Variants in LCORL observed in about 807,000 individuals in gnomAD.
The protein encoded by LCORL is ligand dependent nuclear receptor corepressor like.
In LCORL, 41 loss-of-function variants were observed where a neutral mutation model predicts 141.8. That is an observed-to-expected ratio of 0.29 (90% CI 0.23 to 0.38). The LOEUF is 0.38. LCORL is among the 10% of genes least tolerant of loss of function. The probability of loss-of-function intolerance (pLI) is 1.00; values close to 1 mark genes in which losing one functional copy is unlikely to be tolerated. For missense variants in LCORL, 1,759 were observed against 2,035.0 expected (o/e 0.86, Z 2.61); for synonymous variants, 618 against 694.1 (o/e 0.89, Z 1.72).
chr4:18,010,412 G>GTA (rs1180510783), intron 1 of LCORL, among the ~76,000 whole-genome samples: 56 of 151,596 alleles, frequency 3.7e-4, no homozygotes, highest in African/African-American at 9.0e-4. Context: ...GTGTGTGTGT[G>GTA]TATATATATA....
chr4:17,867,520 A>C (rs1475053140), intron 7 of LCORL, among the ~76,000 whole-genome samples: 1 of 152,220 alleles, frequency 6.6e-6, no homozygotes, highest in East Asian at 1.9e-4. Flanking sequence ...TAGAGAATTA[A>C]ATCTATGTCT....
At chr4:17,883,734 T>C (rs1468225919) in intron 6 of LCORL, 14 of 1,539,556 alleles carry the variant, frequency 9.1e-6, no homozygotes, top group Non-Finnish European at 9.6e-6. Context: ...ACAGGCTTGC[T>C]GCTGTTTTTG....
chr4:18,002,662 T>C (rs557077976), intron 1 of LCORL, among the ~76,000 whole-genome samples: 2 of 152,318 alleles, frequency 1.3e-5, no homozygotes, highest in South Asian at 4.1e-4. Flanking sequence ...ATTTTTATAT[T>C]AAAAATTAAG....
At chr4:17,957,397 G>A (rs1401244957) in intron 4 of LCORL, among the ~76,000 whole-genome samples, 1 of 151,928 alleles carries the variant, frequency 6.6e-6, no homozygotes, top group African/African-American at 2.4e-5. Flanking sequence ...TTCAATTAGA[G>A]CAATAAAGAA....
At position 17,880,869 on chromosome 4, in the gene LCORL, CAATT is replaced by C. The variant is rs1435365114; in HGVS notation, c.777-2660_777-2657del. ...AATAAATAATTCATGAATTATAGTG[CAATT>C]GATTTATGCATAAATATAACTAATT... On this transcript the variant is annotated intron_variant, in intron 6 of 7. Coordinates refer to ENST00000635767, the Ensembl canonical transcript of LCORL. The C allele has an allele frequency of 3.5e-6, 3 of 860,782 alleles. No homozygotes were observed. In the African/African-American group the frequency reaches 5.5e-5, roughly 16 times the overall value. 53.3% of individuals were successfully genotyped at this position (860,782 alleles called of 1,614,324 possible). A position where few individuals can be genotyped will look rare whatever the true frequency, so the allele number is the denominator to read the frequency against.
exon 7 of LCORL, chr4:17,874,843 C>A: frequency 8.1e-7 from 1 of 1,233,700 alleles, no homozygotes; most frequent in Non-Finnish European, 1.0e-6. Flanking sequence ...TCTTTGTAAG[C>A]TATTTTCATC....
chr4:18,000,126 C>CTTTT (rs11407271), intron 1 of LCORL, among the ~76,000 whole-genome samples: 20 of 130,712 alleles, frequency 1.5e-4, no homozygotes, highest in African/African-American at 5.3e-4. Flanking sequence ...ATTTGTGGTT[C>CTTTT]TTTTTTTTTT....
At chr4:17,974,017 T>A (rs1716471178) in intron 1 of LCORL, among the ~76,000 whole-genome samples, 1 of 152,012 alleles carries the variant, frequency 6.6e-6, no homozygotes, top group South Asian at 2.1e-4. Flanking sequence ...GAGTAGAAAT[T>A]TCCTGGTAAA....
intron 7 of LCORL, among the ~76,000 whole-genome samples, chr4:17,852,333 T>C (rs2109104612): frequency 6.6e-6 from 1 of 152,052 alleles, no homozygotes; most frequent in East Asian, 1.9e-4. Context: ...TTTCTGACAA[T>C]AATCACAATA....
At chr4:17,989,142 G>A (rs1210023764) in intron 1 of LCORL, among the ~76,000 whole-genome samples, 4 of 152,034 alleles carry the variant, frequency 2.6e-5, no homozygotes, top group African/African-American at 7.2e-5. Flanking sequence ...TGTGGAAAAC[G>A]ACAATTGTAA....
chr4:17,920,177 G>A (rs1017391050), intron 4 of LCORL, among the ~76,000 whole-genome samples: 4 of 152,356 alleles, frequency 2.6e-5, no homozygotes, highest in South Asian at 4.1e-4. Context: ...CCTGTGAGAT[G>A]TAACACTATC....
chr4:17,904,222 T>C (rs1390508110), intron 5 of LCORL, among the ~76,000 whole-genome samples: 2 of 152,086 alleles, frequency 1.3e-5, no homozygotes, highest in African/African-American at 4.8e-5. Flanking sequence ...GATATTCTTA[T>C]AAGTATCTTT....
rs889597967 is a variant in LCORL at position 18,021,707 on chromosome 4, AGCAGCGGCGGCG to A, written c.33_44del (p.Ala19_Ala22del). The A allele has an allele frequency of 1.8e-5, 28 of 1,522,116 alleles. No individual in the cohort carries two copies. The highest frequency in any genetic ancestry group is 6.4e-5 in the Admixed American group (3 of 46,832). The allele number at this position is 1,522,116 out of a possible 1,614,324, so 94.3% of individuals were successfully genotyped here. A position where few individuals can be genotyped will look rare whatever the true frequency, so the allele number is the denominator to read the frequency against. On this transcript the variant is annotated inframe_deletion, in exon 1 of 8. Coordinates refer to ENST00000635767, the Ensembl canonical transcript of LCORL. This position sits in a 1 kb window ranked among gnomAD's most constrained non-coding sequence, Gnocchi z 5.5. ...ACTGAGCGGCGGCGGCGGCGGCGGC[AGCAGCGGCGGCG>A]GCAGCGGCCATTCTCTCTCTTCCCT...
intron 4 of LCORL, among the ~76,000 whole-genome samples, chr4:17,932,812 T>G (rs1736261508): frequency 6.6e-6 from 1 of 152,198 alleles, no homozygotes; most frequent in African/African-American, 2.4e-5. Flanking sequence ...TCTCCAATAT[T>G]TATTCTCTGG....
chr4:17,915,556 T>C (rs565762252), intron 4 of LCORL, among the ~76,000 whole-genome samples: 17 of 152,190 alleles, frequency 1.1e-4, no homozygotes, highest in African/African-American at 4.1e-4. Context: ...CCTTTGGGAA[T>C]AGTATTAATG....
rs545438251 is a variant in LCORL at position 18,021,055 on chromosome 4, C to T, written c.154+543G>A. 2.4e-3 allele frequency among the ~76,000 whole-genome samples: 371 copies of T among 152,202 alleles called. 3 individuals carry two copies. Among genetic ancestry groups the T allele is most frequent in the African/African-American group, 8.5e-3 (354 of 41,552 alleles). On this transcript the variant is annotated intron_variant, in intron 1 of 7. Coordinates refer to ENST00000635767, the Ensembl canonical transcript of LCORL. This position sits in a 1 kb window ranked among gnomAD's most constrained non-coding sequence, Gnocchi z 5.5. ...CGCCCCCAGCCGGCCCATCAGCGGC[C>T]CCCGCCCTGCGAGTGCCCGTGGGTC...
intron 7 of LCORL, among the ~76,000 whole-genome samples, chr4:17,851,133 TGGGGGGA>T (rs1272590684): frequency 1.4e-5 from 1 of 73,198 alleles, no homozygotes; most frequent in African/African-American, 5.6e-5. Context: ...TGTTGTGGGG[TGGGGGGA>T]GGGGGGAGGG....
chr4:18,006,518 A>T (rs893683299), intron 1 of LCORL, among the ~76,000 whole-genome samples: 1 of 152,196 alleles, frequency 6.6e-6, no homozygotes, highest in African/African-American at 2.4e-5. Flanking sequence ...GCTGATAAAG[A>T]CATACCCAAG....
exon 7 of LCORL, chr4:17,875,311 G>T (rs1268367887): frequency 1.6e-6 from 2 of 1,231,302 alleles, no homozygotes; most frequent in Admixed American, 4.2e-5. Context: ...GAAGGCTGAG[G>T]TATCACAGAT....
Sources: gnomAD v4.1 joint callset for allele counts (sites outside exome capture counted in the v4.1 genomes callset) on GRCh38, gnomAD v4.1.1 for gene constraint, Gnocchi (gnomAD v3.1) non-coding constraint, MANE v1.5 for transcripts, NCBI Gene and HGNC (gene_info 2026-07-23, HGNC 2026-07-21) for gene names.